GRID2: variants seen among roughly 807,000 people sequenced by gnomAD.
The protein encoded by GRID2 is glutamate ionotropic receptor delta type subunit 2, also known as glutamate receptor ionotropic, delta-2.
A neutral mutation model predicts 114.8 loss-of-function variants in GRID2; 33 were observed. The ratio of observed to expected loss-of-function variants is 0.29; its 90% CI spans 0.22 to 0.38. The LOEUF is 0.38. GRID2 is among the 10% of genes least tolerant of loss of function. The pLI, the probability that GRID2 is intolerant of heterozygous loss-of-function variation, is 1.00. For synonymous variants in GRID2, 505 were observed against 449.9 expected, an observed-to-expected ratio of 1.12 and a Z score of -1.55; for missense variants, 1,184 against 1,257.7, an observed-to-expected ratio of 0.94 and a Z score of 0.89.
intron 1 of GRID2, among the ~76,000 whole-genome samples, chr4:92,467,635 A>T (rs897786203): frequency 3.3e-5 from 5 of 151,960 alleles, no homozygotes; most frequent in Non-Finnish European, 7.4e-5. Flanking sequence ...GGGGTAGGGG[A>T]CAGGGAGATA....
chr4:93,431,407 T>C (rs762019497), intron 10 of GRID2, among the ~76,000 whole-genome samples: 4 of 151,974 alleles, frequency 2.6e-5, no homozygotes, highest in Non-Finnish European at 2.9e-5. Context: ...CACTTAAGAA[T>C]TGACAAAATA....
chr4:92,840,564 A>G (rs1031292442), intron 2 of GRID2, among the ~76,000 whole-genome samples: 14 of 152,064 alleles, frequency 9.2e-5, no homozygotes, highest in Non-Finnish European at 1.6e-4. Flanking sequence ...TTAATTCTTC[A>G]TAATTAGTAC....
At chr4:93,173,946 T>A (rs1373050830) in intron 4 of GRID2, among the ~76,000 whole-genome samples, 1 of 152,180 alleles carries the variant, frequency 6.6e-6, no homozygotes, top group Non-Finnish European at 1.5e-5. Flanking sequence ...TTAGGATTTT[T>A]AAATGCATTT....
intron 2 of GRID2, among the ~76,000 whole-genome samples, chr4:92,716,859 C>T (rs569143031): frequency 6.6e-6 from 1 of 152,252 alleles, no homozygotes; most frequent in Non-Finnish European, 1.5e-5. Flanking sequence ...AATAATTTTA[C>T]ATCTTGTGTT....
At chr4:93,155,612 G>A (rs1011673420) in intron 4 of GRID2, among the ~76,000 whole-genome samples, 1 of 151,936 alleles carries the variant, frequency 6.6e-6, no homozygotes, top group African/African-American at 2.4e-5. Context: ...AGTCCAGTAA[G>A]ATGACGTAAG....
intron 2 of GRID2, among the ~76,000 whole-genome samples, chr4:92,904,586 A>G (rs897032147): frequency 1.3e-5 from 2 of 151,924 alleles, no homozygotes; most frequent in African/African-American, 2.4e-5. Context: ...ATGTAAAAGT[A>G]TGCAGGAGAG....
chr4:93,625,993 A>C (rs192218947), intron 13 of GRID2, among the ~76,000 whole-genome samples: 1 of 152,228 alleles, frequency 6.6e-6, no homozygotes, highest in African/African-American at 2.4e-5. Flanking sequence ...ATTAGGTATC[A>C]TAAGTAATCT....
At chr4:93,485,901 C>CTGGGATTTTTAAT (rs1471327407) in intron 11 of GRID2, among the ~76,000 whole-genome samples, 8 of 151,650 alleles carry the variant, frequency 5.3e-5, no homozygotes, top group Non-Finnish European at 1.0e-4. Flanking sequence ...TACACACAAC[C>CTGGGATTTTTAAT]TGGGATTTTT....
chr4:92,332,106 T>C (rs1239644243), intron 1 of GRID2, among the ~76,000 whole-genome samples: 1 of 152,182 alleles, frequency 6.6e-6, no homozygotes, highest in Non-Finnish European at 1.5e-5. Flanking sequence ...TTTTCAGTGA[T>C]AGTACTTTTC....
chr4:93,421,217 A>G (rs1039953854), intron 9 of GRID2, among the ~76,000 whole-genome samples: 7 of 152,184 alleles, frequency 4.6e-5, no homozygotes, highest in African/African-American at 1.4e-4. Context: ...AATGTTGCAC[A>G]AACCACCCTG....
chr4:93,567,863 A>G (rs1485813844), intron 13 of GRID2, among the ~76,000 whole-genome samples: 1 of 152,238 alleles, frequency 6.6e-6, no homozygotes, highest in Non-Finnish European at 1.5e-5. Flanking sequence ...ATTTGGATTT[A>G]AATGTTTTAT....
chr4:93,494,537 C>T (rs1580241586), intron 12 of GRID2, among the ~76,000 whole-genome samples: 1 of 151,766 alleles, frequency 6.6e-6, no homozygotes, highest in Non-Finnish European at 1.5e-5. Flanking sequence ...ATCTAACTGG[C>T]ACTTGTTATT....
chr4:93,570,360 G>A (rs574921162), intron 13 of GRID2, among the ~76,000 whole-genome samples: 59 of 152,224 alleles, frequency 3.9e-4, no homozygotes, highest in African/African-American at 1.4e-3. Flanking sequence ...ACCACATAAT[G>A]CTAGAATGGA....
intron 2 of GRID2, among the ~76,000 whole-genome samples, chr4:92,648,287 T>C (rs553544187): frequency 1.3e-5 from 2 of 149,822 alleles, no homozygotes; most frequent in African/African-American, 5.0e-5. Context: ...TTAGTGTGCA[T>C]ACGGGTGCAT....
chr4:93,159,261 G>A (rs1737460735), intron 4 of GRID2, among the ~76,000 whole-genome samples: 1 of 151,758 alleles, frequency 6.6e-6, no homozygotes, highest in Non-Finnish European at 1.5e-5. Flanking sequence ...TTATTGACTG[G>A]CAGGCTAATC....
chr4:92,489,748 A>G (rs768872931), intron 1 of GRID2, among the ~76,000 whole-genome samples: 9 of 151,648 alleles, frequency 5.9e-5, no homozygotes, highest in Non-Finnish European at 1.2e-4. Flanking sequence ...CAGGCGGCTG[A>G]GGCAGGAGAA....
At chr4:92,516,374 T>C (rs1233847226) in intron 1 of GRID2, among the ~76,000 whole-genome samples, 1 of 151,928 alleles carries the variant, frequency 6.6e-6, no homozygotes, top group Non-Finnish European at 1.5e-5. Flanking sequence ...ACTTCTTTAC[T>C]ATAACATCAT....
chr4:93,139,749 C>T (rs1735587746), intron 4 of GRID2, among the ~76,000 whole-genome samples: 1 of 151,808 alleles, frequency 6.6e-6, no homozygotes, highest in Non-Finnish European at 1.5e-5. Context: ...CACACACACA[C>T]ACACACACAC....
intron 4 of GRID2, among the ~76,000 whole-genome samples, chr4:93,131,400 C>T (rs1228706080): frequency 1.3e-5 from 2 of 151,750 alleles, no homozygotes; most frequent in Non-Finnish European, 2.9e-5. Context: ...GATCTGCCTA[C>T]CTTGGCTTCC....
Sources: allele counts gnomAD v4.1 joint callset (sites outside exome capture counted in the v4.1 genomes callset), GRCh38; gene constraint gnomAD v4.1.1; transcripts MANE v1.5; gene names NCBI Gene and HGNC (gene_info 2026-07-23, HGNC 2026-07-21).